The following AP5M1 variants were observed in gnomAD, a reference collection of about 807,000 sequenced individuals.
The protein encoded by AP5M1 is adaptor related protein complex 5 subunit mu 1, also known as AP-5 complex subunit mu-1.
In AP5M1, 44 loss-of-function variants were observed where a neutral mutation model predicts 52.3. The observed-to-expected ratio is 0.84, with a 90% CI of 0.66 to 1.08. The LOEUF (loss-of-function observed/expected upper bound fraction) is 1.08. Ranked by LOEUF, AP5M1 falls within the 50% of genes least tolerant of loss-of-function variation. The pLI is 0.00. For synonymous variants in AP5M1, 213 were observed against 199.0 expected, an observed-to-expected ratio of 1.07 and a Z score of -0.59; for missense variants, 526 against 568.4, an observed-to-expected ratio of 0.93 and a Z score of 0.76.
At chr14:57,277,918 A>G (rs1163335569) in intron 2 of AP5M1, among the ~76,000 whole-genome samples, 1 of 152,114 alleles carries the variant, frequency 6.6e-6, no homozygotes, top group East Asian at 1.9e-4. Context: ...ATACCTGTAG[A>G]TAGTGGACAG....
At chr14:57,283,573 G>C (rs964176000) in intron 6 of AP5M1, among the ~76,000 whole-genome samples, 1 of 152,180 alleles carries the variant, frequency 6.6e-6, no homozygotes, top group East Asian at 1.9e-4. Context: ...GGACAACAGA[G>C]TGCGACCAGA....
chr14:57,274,185 C>A lies in AP5M1; in HGVS notation c.75-59C>A, dbSNP rs994566515. ...TATATTTGAGAGTTTTAAAAAAATT[C>A]TTTCATCTTGATTTTACTTGGAAGA... On this transcript the variant is annotated intron_variant, in intron 1 of 7. Coordinates refer to ENST00000261558, the MANE Select transcript of AP5M1 (RefSeq NM_018229.4). 4.9e-5 allele frequency: 74 copies of A among 1,508,288 alleles called. 1 individual carries two copies. Among genetic ancestry groups the A allele is most frequent in the Admixed American group, 4.8e-4 (21 of 43,754 alleles). 93.4% of individuals were successfully genotyped at this position (1,508,288 alleles called of 1,614,324 possible). A position where few individuals can be genotyped will look rare whatever the true frequency, so the allele number is the denominator to read the frequency against.
chr14:57,284,956 T>C (rs1326525435), intron 6 of AP5M1, among the ~76,000 whole-genome samples: 1 of 151,790 alleles, frequency 6.6e-6, no homozygotes, highest in Non-Finnish European at 1.5e-5. Flanking sequence ...AAGAGAAGGC[T>C]CAGCTGTATA....
chr14:57,291,841 A>G lies in AP5M1; in HGVS notation c.*2957A>G, dbSNP rs1292531853. ...TTCGTAGACATTGATAGACTCCTAC[A>G]CTACCCCTGGGAGCTAGGTAGGTGG... On this transcript the variant is annotated 3_prime_UTR_variant, in exon 8 of 8. Coordinates refer to ENST00000261558, the MANE Select transcript of AP5M1 (RefSeq NM_018229.4). 6.6e-6 allele frequency: 1 copy of G among 151,638 alleles called. No individual in the cohort carries two copies. The highest frequency in any genetic ancestry group is 1.5e-5 in the Non-Finnish European group (1 of 67,754). 9.4% of individuals were successfully genotyped at this position (151,638 alleles called of 1,614,324 possible). A position where few individuals can be genotyped will look rare whatever the true frequency, so the allele number is the denominator to read the frequency against.
chr14:57,284,680 T>C (rs373521900), intron 6 of AP5M1, among the ~76,000 whole-genome samples: 8 of 152,250 alleles, frequency 5.3e-5, no homozygotes, highest in East Asian at 1.9e-4. Flanking sequence ...CAAGATGATA[T>C]TGTTTAAAAA....
intron 1 of AP5M1, among the ~76,000 whole-genome samples, chr14:57,272,993 C>CTCGGG (rs1240043059): frequency 6.6e-6 from 1 of 151,072 alleles, no homozygotes; most frequent in Non-Finnish European, 1.5e-5. Context: ...GTGTCACAAT[C>CTCGGG]TCGGCTCGGC....
rs1190813124 is a variant in AP5M1 at position 57,296,190 on chromosome 14, C to T, written c.*7306C>T. 1 of 151,952 alleles carries T rather than the reference C, an allele frequency of 6.6e-6. No homozygotes were observed. The highest frequency in any genetic ancestry group is 6.6e-5 in the Admixed American group (1 of 15,210). The allele number at this position is 151,952 out of a possible 1,614,324, so 9.4% of individuals were successfully genotyped here. ...ATTTAACAGGGATTAAAATGTTTTA[C>T]TTGGTCTCTTAGTGTTACTGAATAC... is the stretch of plus-strand genomic sequence containing the variant. On this transcript the variant is annotated 3_prime_UTR_variant, in exon 8 of 8. Coordinates refer to ENST00000261558, the MANE Select transcript of AP5M1 (RefSeq NM_018229.4).
chr14:57,269,424 C>T (rs775998464), intron 1 of AP5M1, 36 bp downstream of exon 1: 1 of 1,604,272 alleles, frequency 6.2e-7, no homozygotes, highest in Non-Finnish European at 8.5e-7. Context: ...GATGATGGAT[C>T]AGAAGATCGA....
intron 1 of AP5M1, among the ~76,000 whole-genome samples, chr14:57,273,083 G>T (rs1266274301): frequency 1.3e-5 from 2 of 151,912 alleles, no homozygotes; most frequent in Non-Finnish European, 2.9e-5. Context: ...AGGATCACAG[G>T]CGTGCACCAC....
At position 57,295,681 on chromosome 14, in the gene AP5M1, G is replaced by C. The variant is rs1238868218; in HGVS notation, c.*6797G>C. Reference sequence around the variant, plus strand: ...TGCCAAACTTAATGTTACCTTCTCTGCTAAAGATTTTTGTCTCTAGGAAAT... The same window carrying C: ...TGCCAAACTTAATGTTACCTTCTCTCCTAAAGATTTTTGTCTCTAGGAAAT... On this transcript the variant is annotated 3_prime_UTR_variant, in exon 8 of 8. Coordinates refer to ENST00000261558, the MANE Select transcript of AP5M1 (RefSeq NM_018229.4). 2 of 150,602 alleles carry C rather than the reference G, an allele frequency of 1.3e-5. No individual in the cohort carries two copies. The highest frequency in any genetic ancestry group is 3.0e-5 in the Non-Finnish European group (2 of 67,654). The allele number at this position is 150,602 out of a possible 1,614,324, so 9.3% of individuals were successfully genotyped here.
At position 57,288,897 on chromosome 14, in the gene AP5M1, TA is replaced by T. The variant is rs1369070798; in HGVS notation, c.*16del. ...ATTATTATTGTAATAGTCTCATGTT[TA>T]AATGGGATTATATAATGATAACAGT... On this transcript the variant is annotated 3_prime_UTR_variant, in exon 8 of 8. Transcript: ENST00000261558. 3 of 1,394,522 alleles carry T rather than the reference TA, an allele frequency of 2.2e-6. No individual in the cohort carries two copies. The highest frequency in any genetic ancestry group is 3.0e-6 in the Non-Finnish European group (3 of 994,834). 86.4% of individuals were successfully genotyped at this position (1,394,522 alleles called of 1,614,324 possible). A position where few individuals can be genotyped will look rare whatever the true frequency, so the allele number is the denominator to read the frequency against.
In AP5M1 at chr14:57,279,856, T is replaced by G. The variant is rs545786855; in HGVS notation, c.721-339T>G. Among the ~76,000 whole-genome samples the G allele has an allele frequency of 2.3e-3, 343 of 152,260 alleles. 2 individuals carry two copies. The highest frequency in any genetic ancestry group is 4.1e-3 in the Non-Finnish European group (277 of 68,018). ...ATTAATGGAGGATTAGAGGACTGAT[T>G]AGAGGAAAGCAAGTCCAGAAATATT... On this transcript the variant is annotated intron_variant, in intron 2 of 7. Coordinates refer to ENST00000261558, the MANE Select transcript of AP5M1 (RefSeq NM_018229.4).
At position 57,288,867 on chromosome 14, in the gene AP5M1, G is replaced by T; in HGVS notation, c.1456G>T (p.Gly486Ter). The change falls in exon 8 of 8, where the codon GGA becomes TGA. Residue 486 changes from glycine to a stop codon, truncating the protein, a stop_gained. Transcript: ENST00000261558. LOFTEE classifies it high-confidence loss of function. The stretch of plus-strand genomic sequence containing the variant: ...TAAAGCCCCTGCTCCAGTAACATAT[G>T]GATCATTATTATTGTAATAGTCTCA... ...NSKAPAPVTY[G>*]SLLL The T allele has an allele frequency of 6.4e-7, 1 of 1,554,782 alleles. No homozygotes were observed. The highest frequency in any genetic ancestry group is 8.8e-7 in the Non-Finnish European group (1 of 1,131,374).
rs767086450 is a variant in AP5M1 at position 57,274,525 on chromosome 14, G to A, written c.356G>A (p.Arg119His). 91 of 1,613,926 alleles carry A rather than the reference G, an allele frequency of 5.6e-5. No individual in the cohort carries two copies. The highest frequency in any genetic ancestry group is 6.9e-5 in the Non-Finnish European group (81 of 1,180,028). The part of the protein sequence containing the change: ...VPLVEQTLSP[R>H]PPLISVSGVS... ...CTAGTTGAACAAACTCTGTCCCCTC[G>A]TCCGCCACTAATTAGTGTCAGTGGA... Residue 119 changes from arginine to histidine, a missense_variant, in exon 2 of 8, where the codon CGT becomes CAT. Arg to His is a conservative substitution (Grantham distance 29, BLOSUM62 0). This residue lies in a region of AP5M1 where 425 missense variants were observed against 430.6 expected (regional missense o/e 0.99). Coordinates refer to ENST00000261558, the MANE Select transcript of AP5M1 (RefSeq NM_018229.4).
intron 2 of AP5M1, among the ~76,000 whole-genome samples, chr14:57,279,781 A>G (rs1348890703): frequency 6.6e-6 from 1 of 152,228 alleles, no homozygotes; most frequent in East Asian, 1.9e-4. Context: ...AAAGGATTTG[A>G]GCATGGAAAA....
intron 7 of AP5M1, 84 bp from the exon 8 acceptor site, chr14:57,288,718 C>G: frequency 2.5e-6 from 2 of 800,286 alleles, no homozygotes; most frequent in South Asian, 1.5e-5. Flanking sequence ...TAACTGCATT[C>G]CACAATTTCA....
chr14:57,293,649 C>T lies in AP5M1; in HGVS notation c.*4765C>T, dbSNP rs1486461965. The stretch of plus-strand genomic sequence containing the variant: ...AAGAAACTAGTGTTTTTAATCATTA[C>T]ACTCCGTGCAGTCATATTTAATCAA... On this transcript the variant is annotated 3_prime_UTR_variant, in exon 8 of 8. Coordinates refer to ENST00000261558, the MANE Select transcript of AP5M1 (RefSeq NM_018229.4). 6.6e-6 allele frequency: 1 copy of T among 151,702 alleles called. No homozygotes were observed. Among genetic ancestry groups the T allele is most frequent in the Non-Finnish European group, 1.5e-5 (1 of 67,776 alleles). 9.4% of individuals were successfully genotyped at this position (151,702 alleles called of 1,614,324 possible). A position where few individuals can be genotyped will look rare whatever the true frequency, so the allele number is the denominator to read the frequency against.
At chr14:57,275,058 T>C (rs777603210) in intron 2 of AP5M1, 169 bp downstream of exon 2, 1 of 670,890 alleles carries the variant, frequency 1.5e-6, no homozygotes, top group Non-Finnish European at 2.5e-6. Context: ...TCCTTACCAA[T>C]TATATTAGTT....
chr14:57,281,662 C>G (rs780933080), intron 3 of AP5M1, among the ~76,000 whole-genome samples: 1 of 152,206 alleles, frequency 6.6e-6, no homozygotes. Context: ...TGGCTCACCC[C>G]AGCCTACAAG....
Sources: gnomAD v4.1 joint callset for allele counts (sites outside exome capture counted in the v4.1 genomes callset) on GRCh38, gnomAD v4.1.1 for gene constraint, gnomAD v4.1.1 regional missense constraint, MANE v1.5 for transcripts, NCBI Gene and HGNC (gene_info 2026-07-23, HGNC 2026-07-21) for gene names.